LRRC4C: variants seen among roughly 807,000 people sequenced by gnomAD.
LRRC4C encodes the protein leucine rich repeat containing 4C, also known as leucine-rich repeat-containing protein 4C.
LRRC4C carries 5 observed loss-of-function variants against 33.6 expected under a neutral mutation model. The observed-to-expected ratio is 0.15, with a 90% CI of 0.08 to 0.31. The LOEUF is 0.31. Ranked by LOEUF, LRRC4C falls within the 10% of genes least tolerant of loss-of-function variation. The pLI is 1.00. For synonymous variants in LRRC4C, 329 were observed against 302.0 expected (o/e 1.09, Z -0.93); for missense variants, 560 against 796.7 (o/e 0.70, Z 3.58).
At chr11:40,549,312 G>A (rs1957046783) in intron 3 of LRRC4C, among the ~76,000 whole-genome samples, 1 of 152,068 alleles carries the variant, frequency 6.6e-6, no homozygotes. Flanking sequence ...CATGTCAACT[G>A]CAATGTCATC....
intron 1 of LRRC4C, among the ~76,000 whole-genome samples, chr11:41,091,470 C>T (rs1940413131): frequency 6.6e-6 from 1 of 151,964 alleles, no homozygotes; most frequent in Admixed American, 6.6e-5. Context: ...AATCAGGAAT[C>T]TCTAACTCTA....
At chr11:40,629,449 T>A (rs1029378067) in intron 3 of LRRC4C, among the ~76,000 whole-genome samples, 2 of 152,192 alleles carry the variant, frequency 1.3e-5, no homozygotes, top group African/African-American at 4.8e-5. Context: ...TCACCCTTAC[T>A]CTACCTAATT....
At chr11:40,282,737 C>T (rs1943564178) in intron 4 of LRRC4C, among the ~76,000 whole-genome samples, 1 of 152,156 alleles carries the variant, frequency 6.6e-6, no homozygotes, top group Non-Finnish European at 1.5e-5. Flanking sequence ...TCATTTACCA[C>T]TTTCCTTCAT....
At chr11:40,405,170 A>T (rs994641816) in intron 3 of LRRC4C, among the ~76,000 whole-genome samples, 1 of 151,904 alleles carries the variant, frequency 6.6e-6, no homozygotes, top group Admixed American at 6.6e-5. Flanking sequence ...TTCTACATAC[A>T]AATGAGCTCA....
intron 3 of LRRC4C, among the ~76,000 whole-genome samples, chr11:40,413,047 T>G (rs1950206782): frequency 2.6e-5 from 4 of 152,054 alleles, no homozygotes; most frequent in Admixed American, 2.6e-4. Flanking sequence ...AGAGGCCTAT[T>G]TATTTAGGCG....
intron 2 of LRRC4C, among the ~76,000 whole-genome samples, chr11:40,766,426 G>A (rs1311727518): frequency 6.9e-6 from 1 of 145,302 alleles, no homozygotes; most frequent in Non-Finnish European, 1.5e-5. Flanking sequence ...AAAACTCACT[G>A]GTAATAGAAA....
intron 1 of LRRC4C, among the ~76,000 whole-genome samples, chr11:41,057,581 C>T (rs750262975): frequency 2.6e-5 from 4 of 152,198 alleles, no homozygotes; most frequent in African/African-American, 4.8e-5. Flanking sequence ...GCCCATGGAC[C>T]AATAGGCATG....
At chr11:40,335,281 G>A (rs1946545947) in intron 3 of LRRC4C, among the ~76,000 whole-genome samples, 1 of 151,928 alleles carries the variant, frequency 6.6e-6, no homozygotes, top group Non-Finnish European at 1.5e-5. Context: ...TTTTATAGAT[G>A]ATATTTAAAG....
intron 3 of LRRC4C, among the ~76,000 whole-genome samples, chr11:40,338,177 T>C (rs1041294422): frequency 3.9e-5 from 6 of 152,354 alleles, no homozygotes; most frequent in African/African-American, 1.4e-4. Context: ...ATGTGGCTGT[T>C]TGGAAACGGC....
chr11:40,926,967 A>G (rs887612023), intron 2 of LRRC4C, among the ~76,000 whole-genome samples: 6 of 152,200 alleles, frequency 3.9e-5, no homozygotes, highest in Non-Finnish European at 8.8e-5. Context: ...TTATTTCCTG[A>G]TATTTCCAAA....
At chr11:41,414,481 G>C (rs1282434860) in intron 1 of LRRC4C, among the ~76,000 whole-genome samples, 3 of 152,034 alleles carry the variant, frequency 2.0e-5, no homozygotes, top group Non-Finnish European at 1.5e-5. Flanking sequence ...CTCTCTTGCA[G>C]TCTCTTCCTC....
At chr11:41,012,530 G>C (rs912824253) in intron 1 of LRRC4C, among the ~76,000 whole-genome samples, 1 of 152,064 alleles carries the variant, frequency 6.6e-6, no homozygotes, top group African/African-American at 2.4e-5. Context: ...ATTGTGATTA[G>C]TGCTGCAATA....
At chr11:41,417,916 A>G (rs1169012552) in intron 1 of LRRC4C, among the ~76,000 whole-genome samples, 2 of 150,132 alleles carry the variant, frequency 1.3e-5, no homozygotes, top group East Asian at 2.0e-4. Context: ...TATATGGTGT[A>G]TGTGTGTGTG....
intron 4 of LRRC4C, among the ~76,000 whole-genome samples, chr11:40,315,818 C>T (rs1210401362): frequency 3.3e-5 from 5 of 151,864 alleles, no homozygotes; most frequent in Admixed American, 6.6e-5. Context: ...CTCTGAACAG[C>T]GGTTTATAAA....
chr11:41,357,819 A>T (rs79398958), intron 1 of LRRC4C, among the ~76,000 whole-genome samples: 2,882 of 152,260 alleles, frequency 0.019, 83 homozygotes, highest in African/African-American at 0.065. Flanking sequence ...CAACAGTATC[A>T]AGATGTTAGC....
intron 3 of LRRC4C, among the ~76,000 whole-genome samples, chr11:40,524,917 T>C (rs1339022035): frequency 6.6e-6 from 1 of 152,288 alleles, no homozygotes; most frequent in East Asian, 1.9e-4. Flanking sequence ...GTTACTACTA[T>C]GGTAGATTAA....
intron 1 of LRRC4C, among the ~76,000 whole-genome samples, chr11:41,414,127 G>T (rs1468018288): frequency 1.3e-5 from 2 of 152,148 alleles, no homozygotes; most frequent in Non-Finnish European, 2.9e-5. Flanking sequence ...AAAACGGAAA[G>T]GATGGTATAA....
chr11:41,009,364 C>T (rs1041040974), intron 1 of LRRC4C, among the ~76,000 whole-genome samples: 1 of 151,784 alleles, frequency 6.6e-6, no homozygotes, highest in African/African-American at 2.4e-5. Context: ...CATATTGGAT[C>T]TGAGATGGTA....
At chr11:40,948,532 A>C (rs1299645897) in intron 1 of LRRC4C, among the ~76,000 whole-genome samples, 3 of 105,364 alleles carry the variant, frequency 2.8e-5, no homozygotes, top group South Asian at 3.8e-4. Context: ...CCCACCCCAC[A>C]ACAGTCCCCA....
Sources: gnomAD v4.1 joint callset for allele counts (sites outside exome capture counted in the v4.1 genomes callset) on GRCh38, gnomAD v4.1.1 for gene constraint, MANE v1.5 for transcripts, NCBI Gene and HGNC (gene_info 2026-07-23, HGNC 2026-07-21) for gene names.